Variants in RP1 observed in about 807,000 individuals in gnomAD.
RP1 encodes the protein RP1 axonemal microtubule associated.
Under a neutral mutation model 14.8 loss-of-function variants are expected in RP1, and 16 were observed. The observed-to-expected ratio is 1.08, with a 90% CI of 0.73 to 1.65. The LOEUF is 1.65. Among genes scored for constraint, RP1 ranks in the 40% most tolerant of loss-of-function variants. RP1 has a pLI of 0.00. For synonymous variants in RP1, 876 were observed against 883.6 expected (o/e 0.99, Z 0.15); for missense variants, 2,631 against 2,535.0 (o/e 1.04, Z -0.81).
chr8:54,778,120 T>C (rs1810086876), intron 23 of RP1, among the ~76,000 whole-genome samples: 2 of 152,144 alleles, frequency 1.3e-5, no homozygotes, highest in Non-Finnish European at 2.9e-5. Flanking sequence ...CCAAGTGTTG[T>C]ATTAGGCACT....
At chr8:54,663,936 G>C in intron 7 of RP1, 1 of 1,268,398 alleles carries the variant, frequency 7.9e-7, no homozygotes, top group Non-Finnish European at 1.0e-6. Flanking sequence ...TATTCTAAGA[G>C]TTTTTAATTT....
intron 24 of RP1, among the ~76,000 whole-genome samples, chr8:54,815,151 TA>T (rs1208897945): frequency 2.6e-5 from 4 of 152,260 alleles, no homozygotes; most frequent in Non-Finnish European, 4.4e-5. Flanking sequence ...GTTTCATTTT[TA>T]AGTTAAAATC....
chr8:54,851,068 C>A (rs951844301), intron 25 of RP1, among the ~76,000 whole-genome samples: 7 of 151,468 alleles, frequency 4.6e-5, no homozygotes, highest in South Asian at 4.2e-4. Context: ...TGTGTGTGTG[C>A]GTGCATGTGT....
intron 3 of RP1, 110 bp downstream of exon 3, chr8:54,622,398 A>G: frequency 3.4e-6 from 3 of 880,448 alleles, no homozygotes; most frequent in Non-Finnish European, 5.6e-6. Flanking sequence ...CACAGAAACG[A>G]AAAGGAGAGG....
chr8:54,628,599 TCAGAG>T lies in RP1; in HGVS notation c.4718_4722del (p.Ser1573PhefsTer4). ...GAAAACTATGGAAACTGGAAGTTATTCAGAGTCCTCTCCTGATTTAAAAAAATGCA... is the reference window on the plus strand; with the variant it reads ...GAAAACTATGGAAACTGGAAGTTATTTCCTCTCCTGATTTAAAAAAATGCA... On this transcript the variant is annotated frameshift_variant, in exon 4 of 4. Transcript: ENST00000220676. LOFTEE classifies it low-confidence loss of function (END_TRUNC). 1 of 1,614,008 alleles carries T rather than the reference TCAGAG, an allele frequency of 6.2e-7. No individual in the cohort carries two copies. Among genetic ancestry groups the T allele is most frequent in the Non-Finnish European group, 8.5e-7 (1 of 1,179,942 alleles).
chr8:54,726,428 A>T (rs1808655420), exon 17 of RP1: 1 of 1,533,984 alleles, frequency 6.5e-7, no homozygotes, highest in Non-Finnish European at 8.7e-7. Context: ...ACAGAAAAAA[A>T]TACCCCCAGA....
intron 24 of RP1, among the ~76,000 whole-genome samples, chr8:54,787,266 G>T (rs1810341891): frequency 6.6e-6 from 1 of 152,090 alleles, no homozygotes. Flanking sequence ...GTCCATTACG[G>T]CAGAAAGTTG....
intron 1 of RP1, among the ~76,000 whole-genome samples, chr8:54,598,682 T>C (rs1409675483): frequency 6.6e-6 from 1 of 152,216 alleles, no homozygotes; most frequent in East Asian, 1.9e-4. Flanking sequence ...TAGTTTTCCT[T>C]CATCTGAGCA....
intron 19 of RP1, among the ~76,000 whole-genome samples, chr8:54,748,964 A>C (rs1263505799): frequency 6.6e-6 from 1 of 152,176 alleles, no homozygotes; most frequent in African/African-American, 2.4e-5. Context: ...TGTTTATCTT[A>C]CATCCAGTGT....
chr8:54,577,482 GT>G (rs1292033399), intron 1 of RP1, among the ~76,000 whole-genome samples: 1 of 152,132 alleles, frequency 6.6e-6, no homozygotes, highest in Non-Finnish European at 1.5e-5. Flanking sequence ...CTTCTATGTG[GT>G]TTTTCATGTT....
chr8:54,602,811 G>T (rs1456447802), intron 1 of RP1, among the ~76,000 whole-genome samples: 5 of 152,138 alleles, frequency 3.3e-5, no homozygotes, highest in African/African-American at 7.2e-5. Context: ...TTTTTCATGT[G>T]TCTTTTGGCT....
At chr8:54,855,713 A>G (rs1344097288) in intron 26 of RP1, among the ~76,000 whole-genome samples, 1 of 152,168 alleles carries the variant, frequency 6.6e-6, no homozygotes, top group Admixed American at 6.5e-5. Flanking sequence ...AAAAGAGGGT[A>G]TCCAAATCAC....
chr8:54,764,371 C>T (rs191009943), intron 22 of RP1, among the ~76,000 whole-genome samples: 19 of 152,336 alleles, frequency 1.2e-4, no homozygotes, highest in African/African-American at 4.8e-5. Context: ...TAACTCATGG[C>T]CATTCCGTGG....
chr8:54,605,890 T>A (rs1180026713), intron 1 of RP1, among the ~76,000 whole-genome samples: 2 of 151,904 alleles, frequency 1.3e-5, no homozygotes, highest in Non-Finnish European at 2.9e-5. Flanking sequence ...TCCATTTGCT[T>A]GGTAGATCTT....
At chr8:54,852,452 A>G in intron 25 of RP1, 1 of 603,528 alleles carries the variant, frequency 1.7e-6, no homozygotes, top group South Asian at 9.0e-5. Flanking sequence ...GAAGAAAAAG[A>G]GTTGGGGCCA....
intron 1 of RP1, among the ~76,000 whole-genome samples, chr8:54,603,889 GT>G (rs1298090613): frequency 6.6e-5 from 10 of 152,156 alleles, no homozygotes; most frequent in African/African-American, 2.4e-4. Flanking sequence ...CACTGATTTT[GT>G]ATCCTGAGAC....
At chr8:54,614,986 T>G (rs1300174194), upstream of RP1, among the ~76,000 whole-genome samples, 1 of 152,344 alleles carries the variant, frequency 6.6e-6, no homozygotes, top group East Asian at 1.9e-4. Flanking sequence ...GATCCCAAAC[T>G]TTTTGAATTT....
chr8:54,843,413 G>A (rs915712664), intron 25 of RP1, among the ~76,000 whole-genome samples: 8 of 152,044 alleles, frequency 5.3e-5, no homozygotes, highest in Admixed American at 3.9e-4. Context: ...AATCAGATAT[G>A]TACGTTCAAC....
At chr8:54,572,495 T>C (rs1158215597) in intron 1 of RP1, among the ~76,000 whole-genome samples, 1 of 152,226 alleles carries the variant, frequency 6.6e-6, no homozygotes, top group African/African-American at 2.4e-5. Flanking sequence ...TGTAAAGCAC[T>C]GGGATTAGGT....
Sources: allele counts gnomAD v4.1 joint callset (sites outside exome capture counted in the v4.1 genomes callset), GRCh38; gene constraint gnomAD v4.1.1; transcripts MANE v1.5; gene names NCBI Gene and HGNC (gene_info 2026-07-23, HGNC 2026-07-21).